SETD2: variants seen among roughly 807,000 people sequenced by gnomAD.
SETD2 encodes the protein SET domain containing 2, histone lysine methyltransferase, also known as histone-lysine N-methyltransferase SETD2.
Under a neutral mutation model 242.1 loss-of-function variants are expected in SETD2, and 31 were observed. The observed-to-expected ratio is 0.13, with a 90% CI of 0.10 to 0.17. The LOEUF (loss-of-function observed/expected upper bound fraction) is 0.17. Ranked by LOEUF, SETD2 falls within the 10% of genes least tolerant of loss-of-function variation. The pLI, the probability that SETD2 is intolerant of heterozygous loss-of-function variation, is 1.00. For missense variants in SETD2, 2,481 were observed against 3,046.3 expected, an observed-to-expected ratio of 0.81 and a Z score of 4.37; for synonymous variants, 1,006 against 1,066.5, an observed-to-expected ratio of 0.94 and a Z score of 1.11.
intron 11 of SETD2, 120 bp downstream of exon 11, chr3:47,086,075 T>C: frequency 9.1e-7 from 1 of 1,099,502 alleles, no homozygotes; most frequent in African/African-American, 1.6e-5. Flanking sequence ...AAAAATTATT[T>C]GATTATTTAA....
chr3:47,068,555 G>A (rs538663555), intron 12 of SETD2, among the ~76,000 whole-genome samples: 11 of 146,484 alleles, frequency 7.5e-5, no homozygotes, highest in Admixed American at 3.4e-4. Flanking sequence ...GGGGTAAAGC[G>A]GCACAATCTC....
At chr3:47,110,277 A>G (rs1026436679) in intron 5 of SETD2, among the ~76,000 whole-genome samples, 8 of 152,210 alleles carry the variant, frequency 5.3e-5, no homozygotes, top group African/African-American at 1.4e-4. Flanking sequence ...GGCAGGTATG[A>G]GAAGATTCTG....
At chr3:47,022,294 A>T (rs917727459) in intron 18 of SETD2, among the ~76,000 whole-genome samples, 11 of 151,412 alleles carry the variant, frequency 7.3e-5, no homozygotes, top group Non-Finnish European at 1.5e-5. Flanking sequence ...GGAGGCCAAG[A>T]TGGGGAGATT....
At chr3:47,130,693 G>C (rs1366394594) in intron 1 of SETD2, among the ~76,000 whole-genome samples, 2 of 151,914 alleles carry the variant, frequency 1.3e-5, no homozygotes, top group Non-Finnish European at 2.9e-5. Flanking sequence ...AAAATAAGGA[G>C]GCATGTGAAA....
At chr3:47,030,315 T>C (rs2038705405) in intron 18 of SETD2, among the ~76,000 whole-genome samples, 1 of 152,068 alleles carries the variant, frequency 6.6e-6, no homozygotes, top group Non-Finnish European at 1.5e-5. Flanking sequence ...ATGGATGAGC[T>C]TAGCTAATTC....
chr3:47,023,008 G>C (rs2038300602), intron 18 of SETD2, among the ~76,000 whole-genome samples: 1 of 152,160 alleles, frequency 6.6e-6, no homozygotes, highest in Non-Finnish European at 1.5e-5. Flanking sequence ...ATGTGACTTG[G>C]AACCAAGAGG....
chr3:47,053,381 GACT>G (rs1443616488), intron 15 of SETD2, among the ~76,000 whole-genome samples: 1 of 152,152 alleles, frequency 6.6e-6, no homozygotes, highest in Non-Finnish European at 1.5e-5. Flanking sequence ...CAAAAGCCAT[GACT>G]ACTTTTGCAC....
rs754761739 is a variant in SETD2, at chr3:47,121,399, G to A, written c.3237C>T (p.Pro1079=). ...AAGAACAAGGACTTGTTTCTTCCATGGGCAAAGTAGAATTCTTTGGCACAA... is the reference window on the plus strand; with the variant it reads ...AAGAACAAGGACTTGTTTCTTCCATAGGCAAAGTAGAATTCTTTGGCACAA... ...VVVVPKNSTL[P]MEETSPCSSR... Residue 1079 remains proline (P), a synonymous_variant, in exon 3 of 21, where the codon CCC becomes CCT. Coordinates refer to ENST00000409792, the MANE Select transcript of SETD2 (RefSeq NM_014159.7). 1.1e-5 allele frequency: 18 copies of A among 1,610,072 alleles called. No individual in the cohort carries two copies. Among genetic ancestry groups the A allele is most frequent in the South Asian group, 2.2e-5 (2 of 91,066 alleles).
At chr3:47,095,432 C>A (rs1575763861) in intron 9 of SETD2, among the ~76,000 whole-genome samples, 1 of 152,254 alleles carries the variant, frequency 6.6e-6, no homozygotes, top group Non-Finnish European at 1.5e-5. Context: ...CCGTGCCTGG[C>A]CTGGAAAGTT....
At chr3:47,054,187 G>C (rs1303376199) in intron 15 of SETD2, among the ~76,000 whole-genome samples, 1 of 152,242 alleles carries the variant, frequency 6.6e-6, no homozygotes. Flanking sequence ...AGTAGATTAG[G>C]GAATCAGTAA....
chr3:47,076,838 CAAG>C (rs1290158246), intron 12 of SETD2, among the ~76,000 whole-genome samples: 1 of 152,178 alleles, frequency 6.6e-6, no homozygotes. Flanking sequence ...GCCTGCTAGG[CAAG>C]AAGTTTAGAC....
chr3:47,097,544 C>T (rs1286326013), intron 9 of SETD2, among the ~76,000 whole-genome samples: 2 of 152,178 alleles, frequency 1.3e-5, no homozygotes, highest in East Asian at 3.9e-4. Context: ...TACCTACTTC[C>T]TCTCAAAACT....
rs115459067 is a variant in SETD2 at position 47,140,325 on chromosome 3, A to C, written c.72-13662T>G. On this transcript the variant is annotated intron_variant, in intron 1 of 20. Coordinates refer to ENST00000409792, the MANE Select transcript of SETD2 (RefSeq NM_014159.7). ...AAGCCATCTGCTTTTTCCAAAACCC[A>C]TAAGTTGGAACGTTGGGTGACCTAA... 3.2e-3 allele frequency among the ~76,000 whole-genome samples: 494 copies of C among 152,290 alleles called. 3 individuals are homozygous for C. The highest frequency in any genetic ancestry group is 0.011 in the African/African-American group (462 of 41,572).
At position 47,036,905 on chromosome 3, in the gene SETD2, T is replaced by TAAAAAAAAAA. The variant is rs60186354; in HGVS notation, c.7350+751_7350+760dup. 5.0e-4 allele frequency among the ~76,000 whole-genome samples: 59 copies of TAAAAAAAAAA among 117,882 alleles called. 2 individuals carry two copies. Among genetic ancestry groups the TAAAAAAAAAA allele is most frequent in the African/African-American group, 1.4e-3 (39 of 27,928 alleles). 77.3% of individuals were successfully genotyped at this position (117,882 alleles called of 152,430 possible). A position where few individuals can be genotyped will look rare whatever the true frequency, so the allele number is the denominator to read the frequency against. On this transcript the variant is annotated intron_variant, in intron 18 of 20. Coordinates refer to ENST00000409792, the MANE Select transcript of SETD2 (RefSeq NM_014159.7). ...CAACAGAGTGAGACTCCGTCTCATT[T>TAAAAAAAAAA]AAAAAAAAAAGGCAAAGAGAACAAG...
intron 1 of SETD2, among the ~76,000 whole-genome samples, chr3:47,133,072 C>T (rs1292133530): frequency 6.6e-6 from 1 of 151,944 alleles, no homozygotes. Context: ...ATCATGTCTG[C>T]AAATTTCCAG....
At chr3:47,086,382 C>A in intron 10 of SETD2, 68 bp from the exon 11 acceptor site, 1 of 1,522,252 alleles carries the variant, frequency 6.6e-7, no homozygotes, top group Non-Finnish European at 9.0e-7. Flanking sequence ...ACAAAGAGCC[C>A]GAGGAGAGTT....
chr3:47,089,134 G>A (rs1380971206), intron 9 of SETD2, among the ~76,000 whole-genome samples: 1 of 152,152 alleles, frequency 6.6e-6, no homozygotes. Flanking sequence ...TGATACATAT[G>A]TGAAAAACTG....
At chr3:47,056,060 T>G (rs1461817063) in intron 15 of SETD2, among the ~76,000 whole-genome samples, 3 of 112,852 alleles carry the variant, frequency 2.7e-5, no homozygotes, top group Non-Finnish European at 5.6e-5. Context: ...CCTTGTATAA[T>G]CTAAAAAAAA....
intron 4 of SETD2, among the ~76,000 whole-genome samples, chr3:47,114,814 G>C (rs1465619563): frequency 6.6e-6 from 1 of 151,158 alleles, no homozygotes; most frequent in African/African-American, 2.4e-5. Context: ...AGGAGGCAGA[G>C]GTTGTAGTGA....
Sources: gnomAD v4.1 joint callset for allele counts (sites outside exome capture counted in the v4.1 genomes callset) on GRCh38, gnomAD v4.1.1 for gene constraint, MANE v1.5 for transcripts, NCBI Gene and HGNC (gene_info 2026-07-23, HGNC 2026-07-21) for gene names.